Variants in MACF1 observed in about 807,000 individuals in gnomAD.
The protein encoded by MACF1 is microtubule actin crosslinking factor 1.
In MACF1, 193 loss-of-function variants were observed where a neutral mutation model predicts 854.8. The ratio of observed to expected loss-of-function variants is 0.23; its 90% CI spans 0.20 to 0.25. The LOEUF is 0.25. MACF1 is among the 10% of genes least tolerant of loss of function. The pLI, the probability that MACF1 is intolerant of heterozygous loss-of-function variation, is 1.00. For missense variants in MACF1, 7,722 were observed against 8,929.1 expected (o/e 0.86, Z 5.45); for synonymous variants, 3,185 against 3,226.7 (o/e 0.99, Z 0.44).
chr1:39,337,888 G>A (rs962269222), intron 38 of MACF1, among the ~76,000 whole-genome samples: 3 of 151,848 alleles, frequency 2.0e-5, no homozygotes, highest in African/African-American at 7.3e-5. Context: ...TCCTGCCTCA[G>A]CCTCCCGAGT....
intron 58 of MACF1, among the ~76,000 whole-genome samples, chr1:39,420,947 G>A (rs1284644510): frequency 1.3e-5 from 2 of 148,680 alleles, no homozygotes; most frequent in African/African-American, 5.0e-5. Flanking sequence ...CTCACTGCAA[G>A]CTCTACCTCC....
chr1:39,465,852 A>G (rs1644657115), intron 95 of MACF1, among the ~76,000 whole-genome samples: 1 of 152,244 alleles, frequency 6.6e-6, no homozygotes, highest in Admixed American at 6.5e-5. Context: ...GCAAGTCACT[A>G]TAGAAATGTT....
rs75090311 is a variant in MACF1 at position 39,333,884 on chromosome 1, C to T, written c.7296C>T (p.Asp2432=). The T allele has an allele frequency of 4.1e-4, 658 of 1,614,112 alleles. 2 individuals are homozygous for T. In the East Asian group the frequency reaches 0.012, roughly 28 times the overall value. ...TGGCCTCAACTCTTGGCTTGGTGGACGTTGCTGACCAGCCAGAACTTATAA... is the reference window on the plus strand; with the variant it reads ...TGGCCTCAACTCTTGGCTTGGTGGATGTTGCTGACCAGCCAGAACTTATAA... ...VTLASTLGLV[D]VADQPELINL... Residue 2432 remains aspartate, a synonymous_variant, in exon 37 of 101, where the codon GAC becomes GAT. Transcript: ENST00000564288.
chr1:39,471,607 C>T (rs1036067461), intron 97 of MACF1, among the ~76,000 whole-genome samples: 1 of 152,124 alleles, frequency 6.6e-6, no homozygotes, highest in African/African-American at 2.4e-5. Context: ...CTGCCAAAAT[C>T]AGATATTTCA....
chr1:39,406,354 T>A (rs1458205118), intron 58 of MACF1, among the ~76,000 whole-genome samples: 1 of 152,148 alleles, frequency 6.6e-6, no homozygotes, highest in African/African-American at 2.4e-5. Flanking sequence ...GGGAGGGAAT[T>A]ATTTAAGAAA....
intron 44 of MACF1, 95 bp from the exon 45 acceptor site, chr1:39,357,280 C>A: frequency 7.6e-7 from 1 of 1,321,524 alleles, no homozygotes; most frequent in Non-Finnish European, 1.1e-6. Context: ...TGTAAGCAGA[C>A]CTCACATGGA....
At chr1:39,232,805 CAG>C (rs759592511) in intron 2 of MACF1, among the ~76,000 whole-genome samples, 21 of 137,912 alleles carry the variant, frequency 1.5e-4, no homozygotes, top group Admixed American at 3.0e-4. Flanking sequence ...TTTTTTGAGA[CAG>C]AGTCTTACCC....
At chr1:39,292,929 G>T in intron 17 of MACF1, 86 bp downstream of exon 17, 3 of 1,139,622 alleles carry the variant, frequency 2.6e-6, no homozygotes, top group Non-Finnish European at 3.8e-6. Context: ...GAAATCTCCT[G>T]GTTTGGCCCT....
intron 15 of MACF1, among the ~76,000 whole-genome samples, chr1:39,291,470 A>G (rs1645788701): frequency 6.6e-6 from 1 of 152,202 alleles, no homozygotes. Context: ...TCCCAAAGTA[A>G]CCTGTTTTAA....
Position 39,428,120 on chromosome 1 carries a change from T to A in MACF1, c.16636T>A (p.Cys5546Ser). ...ARYSEIQDRCCRKAALLDQAL... is the reference protein window; with the variant it reads ...ARYSEIQDRCSRKAALLDQAL... ...ATACAGTGAAATTCAAGACCGCTGT[T>A]GTCGGAAGGCAGCCCTACTTGACCA... Residue 5546 changes from cysteine (C) to serine (S), a missense_variant, in exon 63 of 101, where the codon TGT becomes AGT. Physicochemically the swap from Cys to Ser is moderately radical, Grantham distance 112 (BLOSUM62 -1). Around this residue, in one of 15 missense-constraint regions of MACF1, gnomAD observed 2,807 missense variants for 3,235.8 expected, o/e 0.87. Transcript: ENST00000564288. The A allele has an allele frequency of 6.2e-7, 1 of 1,614,154 alleles. No homozygotes were observed. Among genetic ancestry groups the A allele is most frequent in the Non-Finnish European group, 8.5e-7 (1 of 1,180,026 alleles).
At chr1:39,383,365 CT>C (rs1434744282) in intron 56 of MACF1, among the ~76,000 whole-genome samples, 1 of 152,080 alleles carries the variant, frequency 6.6e-6, no homozygotes, top group East Asian at 1.9e-4. Context: ...GATTTTCAAA[CT>C]TTTTGGCTTC....
In MACF1 at chr1:39,285,680, G is replaced by A. The variant is rs1394881361; in HGVS notation, c.1430G>A (p.Gly477Asp). The A allele has an allele frequency of 1.2e-6, 2 of 1,614,034 alleles. No individual in the cohort carries two copies. The highest frequency in any genetic ancestry group is 2.2e-5 in the East Asian group (1 of 44,856). Residue 477 changes from glycine (G) to aspartate (D), a missense_variant, in exon 14 of 101, where the codon GGT (glycine) becomes GAT (aspartate). This residue lies in a region of MACF1 where 1,137 missense variants were observed against 1,263.0 expected (regional missense o/e 0.90). Transcript: ENST00000564288. ...ATTATGTACATTCAGGAGTGTGAAGGTCTCATCAGGCAGCTGCAGGTGGAT... is the reference window on the plus strand; with the variant it reads ...ATTATGTACATTCAGGAGTGTGAAGATCTCATCAGGCAGCTGCAGGTGGAT... ...DVIMYIQECE[G>D]LIRQLQVDLQ...
chr1:39,138,813 T>G (rs1314085223), intron 2 of MACF1, among the ~76,000 whole-genome samples: 1 of 151,568 alleles, frequency 6.6e-6, no homozygotes, highest in African/African-American at 2.4e-5. Context: ...TACAGGTGAG[T>G]GCCACCATGC....
At chr1:39,204,538 G>C (rs977526525), upstream of MACF1, 1 of 154,460 alleles carries the variant, frequency 6.5e-6, no homozygotes, top group Non-Finnish European at 1.4e-5. Context: ...GTTCCCTAAT[G>C]CTTCTGTGAC....
intron 45 of MACF1, among the ~76,000 whole-genome samples, chr1:39,358,173 G>A (rs1478129767): frequency 1.3e-5 from 2 of 152,186 alleles, no homozygotes; most frequent in Non-Finnish European, 2.9e-5. Context: ...CCTGTATCCT[G>A]ACCAGCAGAC....
intron 2 of MACF1, among the ~76,000 whole-genome samples, chr1:39,240,416 G>A (rs1439104771): frequency 6.6e-6 from 1 of 152,080 alleles, no homozygotes; most frequent in African/African-American, 2.4e-5. Context: ...CTACATATGG[G>A]CCTATATTTG....
At chr1:39,435,906 A>G (rs1423423816) in intron 70 of MACF1, 145 bp downstream of exon 70, 14 of 677,442 alleles carry the variant, frequency 2.1e-5, no homozygotes, top group East Asian at 8.2e-5. Context: ...AGCTTAGCCT[A>G]TCTTCATTTT....
intron 44 of MACF1, among the ~76,000 whole-genome samples, chr1:39,353,453 C>T (rs978706630): frequency 6.6e-6 from 1 of 152,182 alleles, no homozygotes; most frequent in Non-Finnish European, 1.5e-5. Flanking sequence ...TTTCCTCTGG[C>T]CAGGTTTTCA....
At position 39,283,925 on chromosome 1, in the gene MACF1, A is replaced by G. The variant is rs1645599020; in HGVS notation, c.916-141A>G. ...GCCCTTGAGGAGCTTTGAAGCTAGT[A>G]CTGTGAGCATTAAACTGAGCAGCAT... On this transcript the variant is annotated intron_variant, in intron 9 of 100. Transcript: ENST00000564288. The surrounding 1 kb of genome is among the most constrained non-coding windows in gnomAD (Gnocchi z 4.5). 2 of 888,760 alleles carry G rather than the reference A, an allele frequency of 2.3e-6. No homozygotes were observed. The highest frequency in any genetic ancestry group is 1.7e-5 in the African/African-American group (1 of 59,598). The allele number at this position is 888,760 out of a possible 1,614,324, so 55.1% of individuals were successfully genotyped here.
Sources: allele counts gnomAD v4.1 joint callset (sites outside exome capture counted in the v4.1 genomes callset), GRCh38; gene constraint gnomAD v4.1.1; regional missense constraint gnomAD v4.1.1; non-coding constraint Gnocchi (gnomAD v3.1); transcripts MANE v1.5; gene names NCBI Gene and HGNC (gene_info 2026-07-23, HGNC 2026-07-21).